The following CLEC4A variants were observed in gnomAD, a reference collection of about 807,000 sequenced individuals.
CLEC4A encodes C-type (calcium dependent, carbohydrate-recognition domain) lectin, superfamily member 6.
In CLEC4A, 27 loss-of-function variants were observed where a neutral mutation model predicts 32.7. That is an observed-to-expected ratio of 0.83 (90% CI 0.61 to 1.14). The LOEUF (loss-of-function observed/expected upper bound fraction) is 1.14. Ranked by LOEUF, CLEC4A falls within the 50% of genes most tolerant of loss-of-function variation. CLEC4A has a pLI of 0.00. For missense variants in CLEC4A, 253 were observed against 274.6 expected, an observed-to-expected ratio of 0.92 and a Z score of 0.55; for synonymous variants, 89 against 93.7, an observed-to-expected ratio of 0.95 and a Z score of 0.29.
chr12:8,114,540 G>A, the CLEC4A span, among the ~76,000 whole-genome samples: 7 of 152,096 alleles, frequency 4.6e-5, no homozygotes, highest in Non-Finnish European at 8.8e-5. Context: ...CACCGCGCCC[G>A]GCCAATTCCT....
chr12:8,127,601 G>T (rs1025924037), intron 2 of CLEC4A, among the ~76,000 whole-genome samples: 3 of 152,184 alleles, frequency 2.0e-5, no homozygotes, highest in African/African-American at 4.8e-5. Context: ...CAGAGGTGTG[G>T]AAAATGGATA....
chr12:8,135,731 G>A lies in CLEC4A; in HGVS notation c.445G>A (p.Glu149Lys), dbSNP rs754360775. 1.9e-6 allele frequency: 3 copies of A among 1,613,940 alleles called. No individual in the cohort carries two copies. Among genetic ancestry groups the A allele is most frequent in the South Asian group, 2.2e-5 (2 of 91,066 alleles). Residue 149 changes from glutamate (E) to lysine (K), a missense_variant, in exon 4 of 6, where the codon GAG becomes AAG. Coordinates refer to ENST00000229332, the MANE Select transcript of CLEC4A (RefSeq NM_016184.4). ...CCTGCTGGTGATAAACACTCAAGAA[G>A]AGCAGGTACTTTCTAATAGATAATG... ...AHLLVINTQEEQDFIFQNLQE... is the reference protein window; with the variant it reads ...AHLLVINTQEKQDFIFQNLQE...
intron 4 of CLEC4A, 122 bp from the exon 5 acceptor site, chr12:8,136,666 C>T (rs777063825): frequency 2.4e-5 from 14 of 591,456 alleles, no homozygotes; most frequent in African/African-American, 9.3e-5. Context: ...CCCATTCCTA[C>T]GTAGAGCTCT....
At chr12:8,130,360 A>G (rs114098452) in intron 3 of CLEC4A, among the ~76,000 whole-genome samples, 2,276 of 152,028 alleles carry the variant, frequency 0.015, 54 homozygotes, top group African/African-American at 0.052. Context: ...ATTTAAATTA[A>G]TAGATTATTG....
chr12:8,118,308 T>C, the CLEC4A span, among the ~76,000 whole-genome samples: 1 of 152,038 alleles, frequency 6.6e-6, no homozygotes, highest in Non-Finnish European at 1.5e-5. Flanking sequence ...TACAATGGAA[T>C]ATTATTTGTC....
chr12:8,129,637 A>G (rs181040145), intron 3 of CLEC4A, among the ~76,000 whole-genome samples: 2 of 152,164 alleles, frequency 1.3e-5, no homozygotes, highest in Non-Finnish European at 2.9e-5. Context: ...CTAAAAGCAC[A>G]AAAATTAGCT....
chr12:8,106,128 C>T, the CLEC4A span, among the ~76,000 whole-genome samples: 1 of 152,248 alleles, frequency 6.6e-6, no homozygotes, highest in East Asian at 1.9e-4. Context: ...ATCCCAGCAC[C>T]ATTTATTGAA....
intron 3 of CLEC4A, 43 bp downstream of exon 3, chr12:8,129,405 T>G (rs1423123673): frequency 4.1e-6 from 5 of 1,218,584 alleles, no homozygotes; most frequent in East Asian, 2.3e-5. Context: ...GAATGTACTA[T>G]GTAAGGATCC....
At chr12:8,138,012 A>G in intron 5 of CLEC4A, 128 bp from the exon 6 acceptor site, 1 of 972,720 alleles carries the variant, frequency 1.0e-6, no homozygotes, top group South Asian at 1.8e-5. Flanking sequence ...GATGAGTAGC[A>G]GAAAGGTGGA....
chr12:8,123,824 T>C lies in CLEC4A; in HGVS notation c.-55T>C, dbSNP rs1947856697. ...TGTTTGGTTCCTGTTTATAAGATGT[T>C]TTAAGAAAGATCTGAAACAGATTTT... is the stretch of plus-strand genomic sequence containing the variant. On this transcript the variant is annotated 5_prime_UTR_variant, in exon 1 of 6. Coordinates refer to ENST00000229332, the MANE Select transcript of CLEC4A (RefSeq NM_016184.4). The C allele has an allele frequency of 7.8e-7, 1 of 1,281,282 alleles. No homozygotes were observed. The highest frequency in any genetic ancestry group is 1.5e-5 in the African/African-American group (1 of 68,318). 79.4% of individuals were successfully genotyped at this position (1,281,282 alleles called of 1,614,324 possible). A position where few individuals can be genotyped will look rare whatever the true frequency, so the allele number is the denominator to read the frequency against.
the CLEC4A span, among the ~76,000 whole-genome samples, chr12:8,112,556 G>T: frequency 1.4e-4 from 22 of 151,912 alleles, no homozygotes; most frequent in African/African-American, 4.8e-4. Context: ...GTGAGATTGT[G>T]CTCTTTTCAT....
rs147273933 is a variant in CLEC4A at position 8,131,799 on chromosome 12, C to T, written c.298+2437C>T. On this transcript the variant is annotated intron_variant, in intron 3 of 5. Transcript: ENST00000229332. ...TTATATAATCATTTAGTTATATCTG[C>T]ATGTACTCATGGAGATATATATATC... is the stretch of plus-strand genomic sequence containing the variant. Among the ~76,000 whole-genome samples the T allele has an allele frequency of 2.1e-3, 290 of 140,212 alleles. 1 individual carries two copies. Among genetic ancestry groups the T allele is most frequent in the African/African-American group, 6.3e-3 (250 of 39,442 alleles). 92.0% of individuals were successfully genotyped at this position (140,212 alleles called of 152,430 possible). A position where few individuals can be genotyped will look rare whatever the true frequency, so the allele number is the denominator to read the frequency against.
At chr12:8,137,998 G>A in intron 5 of CLEC4A, 142 bp from the exon 6 acceptor site, 1 of 844,212 alleles carries the variant, frequency 1.2e-6, no homozygotes, top group Non-Finnish European at 1.8e-6. Flanking sequence ...AGGAGAAGCT[G>A]CATGATGAGT....
chr12:8,119,616 T>G (rs1947814924), upstream of CLEC4A, among the ~76,000 whole-genome samples: 1 of 152,270 alleles, frequency 6.6e-6, no homozygotes, highest in African/African-American at 2.4e-5. Flanking sequence ...ACTCCATCCT[T>G]ACTTCTAAAT....
chr12:8,131,394 G>A (rs746577828), intron 3 of CLEC4A, among the ~76,000 whole-genome samples: 1 of 152,320 alleles, frequency 6.6e-6, no homozygotes, highest in South Asian at 2.1e-4. Flanking sequence ...TCAGGAAGGA[G>A]TAAGAGTTGC....
intron 3 of CLEC4A, among the ~76,000 whole-genome samples, chr12:8,132,152 AC>A (rs1948009456): frequency 6.6e-6 from 1 of 152,094 alleles, no homozygotes; most frequent in South Asian, 2.1e-4. Flanking sequence ...GACTCCTGTG[AC>A]CCTTTAACAT....
the CLEC4A span, among the ~76,000 whole-genome samples, chr12:8,115,528 T>C: frequency 9.8e-5 from 15 of 152,306 alleles, no homozygotes; most frequent in South Asian, 2.7e-3. Flanking sequence ...TGTCCTGCTT[T>C]CCTTGTAGCA....
intron 1 of CLEC4A, 27 bp downstream of exon 1, chr12:8,123,987 G>C (rs1245348700): frequency 4.9e-6 from 7 of 1,431,676 alleles, no homozygotes; most frequent in Middle Eastern, 1.8e-4. Context: ...AGGGGTCAGA[G>C]TGAATGACGA....
chr12:8,120,148 T>A (rs970920291), upstream of CLEC4A, among the ~76,000 whole-genome samples: 2 of 151,200 alleles, frequency 1.3e-5, no homozygotes, highest in African/African-American at 4.9e-5. Context: ...GTGCCCAGAG[T>A]TTTTACTGGG....
Sources: allele counts gnomAD v4.1 joint callset (sites outside exome capture counted in the v4.1 genomes callset), GRCh38; gene constraint gnomAD v4.1.1; transcripts MANE v1.5; gene names NCBI Gene and HGNC (gene_info 2026-07-23, HGNC 2026-07-21).